Variants in DRC11 observed in about 807,000 individuals in gnomAD.
DRC11 encodes dynein regulatory complex subunit 11.
At chr2:236,343,594 CT>C in the DRC11 span, 1 of 629,068 alleles carries the variant, frequency 1.6e-6, no homozygotes, top group Non-Finnish European at 2.6e-6. This position sits in a 1 kb window ranked among gnomAD's most constrained non-coding sequence, Gnocchi z 6.6. Context: ...AGCCAGGTTT[CT>C]GATAACTCCA....
At chr2:236,454,879 C>T in the DRC11 span, 1 of 152,214 alleles carries the variant, frequency 6.6e-6, no homozygotes, top group Non-Finnish European at 1.5e-5. The surrounding 1 kb of genome is among the most constrained non-coding windows in gnomAD (Gnocchi z 5.3). Flanking sequence ...GGTTTTTAGC[C>T]AAGTTACCTG....
At chr2:236,433,447 C>G in the DRC11 span, among the ~76,000 whole-genome samples, 23 of 152,116 alleles carry the variant, frequency 1.5e-4, no homozygotes, top group Admixed American at 1.5e-3. Flanking sequence ...CTTTTCTTCA[C>G]GTAGAATGTA....
At chr2:236,328,345 G>C in the DRC11 span, among the ~76,000 whole-genome samples, 1 of 152,092 alleles carries the variant, frequency 6.6e-6, no homozygotes, top group Non-Finnish European at 1.5e-5. This position sits in a 1 kb window ranked among gnomAD's most constrained non-coding sequence, Gnocchi z 6.7. Context: ...TTCAACTCGA[G>C]ATTCTGGGAC....
At chr2:236,400,088 C>G in the DRC11 span, among the ~76,000 whole-genome samples, 12 of 152,322 alleles carry the variant, frequency 7.9e-5, no homozygotes, top group African/African-American at 2.4e-4. This position sits in a 1 kb window ranked among gnomAD's most constrained non-coding sequence, Gnocchi z 7.9. Context: ...GTCCATCTGC[C>G]TCCCTCCTCC....
chr2:236,384,717 A>G, the DRC11 span, among the ~76,000 whole-genome samples: 45 of 151,332 alleles, frequency 3.0e-4, no homozygotes, highest in East Asian at 7.4e-3. Context: ...TTGGTGTTTT[A>G]GACATGAAGT....
chr2:236,464,965 G>A, the DRC11 span, among the ~76,000 whole-genome samples: 5 of 152,152 alleles, frequency 3.3e-5, no homozygotes, highest in African/African-American at 9.7e-5. Flanking sequence ...CATGCTTCCT[G>A]TAAAGCTTGT....
At chr2:236,446,595 C>G in the DRC11 span, among the ~76,000 whole-genome samples, 599 of 152,330 alleles carry the variant, frequency 3.9e-3, 5 homozygotes, top group African/African-American at 0.014. The surrounding 1 kb of genome is among the most constrained non-coding windows in gnomAD (Gnocchi z 6.2). Context: ...TGGAGAGGCA[C>G]AGGCTGTCCT....
the DRC11 span, among the ~76,000 whole-genome samples, chr2:236,329,853 A>G: frequency 0.2 from 30,544 of 152,174 alleles, 3,333 homozygotes; most frequent in African/African-American, 0.24. Flanking sequence ...TGTGAAGCAT[A>G]TGCATTCTCA....
the DRC11 span, among the ~76,000 whole-genome samples, chr2:236,310,989 A>G: frequency 2.6e-5 from 4 of 152,354 alleles, no homozygotes; most frequent in East Asian, 1.9e-4. The surrounding 1 kb of genome is among the most constrained non-coding windows in gnomAD (Gnocchi z 5.5). Context: ...AGTAAAATCT[A>G]TCTTTCAAGA....
At chr2:236,439,040 A>G in the DRC11 span, among the ~76,000 whole-genome samples, 6 of 150,834 alleles carry the variant, frequency 4.0e-5, no homozygotes, top group Admixed American at 2.0e-4. Flanking sequence ...GACACAACAT[A>G]CCAGAATCTC....
chr2:236,381,484 C>T, the DRC11 span, among the ~76,000 whole-genome samples: 1 of 151,660 alleles, frequency 6.6e-6, no homozygotes, highest in Admixed American at 6.6e-5. This position sits in a 1 kb window ranked among gnomAD's most constrained non-coding sequence, Gnocchi z 5.8. Flanking sequence ...TTTCGCAGCT[C>T]CCAGAACTAT....
the DRC11 span, among the ~76,000 whole-genome samples, chr2:236,370,010 A>G: frequency 6.6e-6 from 1 of 152,246 alleles, no homozygotes; most frequent in Non-Finnish European, 1.5e-5. The surrounding 1 kb of genome is among the most constrained non-coding windows in gnomAD (Gnocchi z 5.5). Context: ...CCTAATCCCC[A>G]GCATCTCAGA....
At chr2:236,366,516 A>T in the DRC11 span, among the ~76,000 whole-genome samples, 1 of 151,594 alleles carries the variant, frequency 6.6e-6, no homozygotes, top group Admixed American at 6.6e-5. Flanking sequence ...ATGCCCTGTC[A>T]TGAGAACAAA....
the DRC11 span, among the ~76,000 whole-genome samples, chr2:236,309,013 C>T: frequency 6.6e-6 from 1 of 152,232 alleles, no homozygotes; most frequent in African/African-American, 2.4e-5. The surrounding 1 kb of genome is among the most constrained non-coding windows in gnomAD (Gnocchi z 5.7). Flanking sequence ...TCTTTCTCTT[C>T]CTTTCCGGGC....
At chr2:236,333,601 T>C in the DRC11 span, among the ~76,000 whole-genome samples, 59,127 of 151,994 alleles carry the variant, frequency 0.39, 12,079 homozygotes, top group African/African-American at 0.49. The surrounding 1 kb of genome is among the most constrained non-coding windows in gnomAD (Gnocchi z 6.0). Flanking sequence ...CTTGCGGACT[T>C]GGTTCTGGGC....
chr2:236,395,370 A>C, the DRC11 span, among the ~76,000 whole-genome samples: 1 of 152,224 alleles, frequency 6.6e-6, no homozygotes, highest in East Asian at 1.9e-4. Flanking sequence ...CCAGCCCGAG[A>C]GCCAAGGTAT....
the DRC11 span, among the ~76,000 whole-genome samples, chr2:236,397,708 T>C: frequency 1.3e-5 from 2 of 152,216 alleles, no homozygotes; most frequent in South Asian, 4.1e-4. This position sits in a 1 kb window ranked among gnomAD's most constrained non-coding sequence, Gnocchi z 5.0. Context: ...TGCAGACACA[T>C]ACCTGATGCC....
the DRC11 span, among the ~76,000 whole-genome samples, chr2:236,459,616 AG>A: frequency 2.9e-4 from 38 of 130,876 alleles, no homozygotes; most frequent in African/African-American, 1.1e-3. Flanking sequence ...TACGTATATA[AG>A]TATATACATA....
the DRC11 span, among the ~76,000 whole-genome samples, chr2:236,500,117 AT>A: frequency 2.6e-3 from 370 of 142,352 alleles, 3 homozygotes; most frequent in African/African-American, 9.7e-3. The surrounding 1 kb of genome is among the most constrained non-coding windows in gnomAD (Gnocchi z 6.3). Flanking sequence ...GATGATGATG[AT>A]GGCGAAGGTA....
Sources: allele counts gnomAD v4.1 joint callset (sites outside exome capture counted in the v4.1 genomes callset), GRCh38; gene constraint gnomAD v4.1.1; non-coding constraint Gnocchi (gnomAD v3.1); transcripts MANE v1.5; gene names NCBI Gene and HGNC (gene_info 2026-07-23, HGNC 2026-07-21).